Variants in NKAIN3 observed in about 807,000 individuals in gnomAD.
The protein encoded by NKAIN3 is sodium/potassium transporting ATPase interacting 3.
In NKAIN3, 25 loss-of-function variants were observed where a neutral mutation model predicts 30.2. The observed-to-expected ratio is 0.83, with a 90% CI of 0.60 to 1.16. The LOEUF (loss-of-function observed/expected upper bound fraction) is 1.16, where lower values mean the gene tolerates loss of function less well. Among genes scored for constraint, NKAIN3 ranks in the 50% most tolerant of loss-of-function variants. The pLI is 0.00. For missense variants in NKAIN3, 225 were observed against 254.1 expected (o/e 0.89, Z 0.78); for synonymous variants, 91 against 89.6 (o/e 1.02, Z -0.09).
At chr8:62,877,665 AAC>A (rs1488972633) in intron 4 of NKAIN3, among the ~76,000 whole-genome samples, 3 of 152,290 alleles carry the variant, frequency 2.0e-5, no homozygotes, top group African/African-American at 4.8e-5. Flanking sequence ...TTATTTTCAC[AAC>A]ACAGTTTCCT....
chr8:62,892,781 TAGA>T (rs1288295875), intron 4 of NKAIN3, among the ~76,000 whole-genome samples: 1 of 152,158 alleles, frequency 6.6e-6, no homozygotes, highest in Non-Finnish European at 1.5e-5. Context: ...CACAAACAAA[TAGA>T]AGAAGGTGAT....
intron 4 of NKAIN3, among the ~76,000 whole-genome samples, chr8:62,909,628 A>T (rs1180026293): frequency 1.3e-5 from 2 of 152,198 alleles, no homozygotes; most frequent in African/African-American, 4.8e-5. Context: ...ATTGATGATC[A>T]ACATGATGTC....
intron 1 of NKAIN3, among the ~76,000 whole-genome samples, chr8:62,341,298 T>G (rs1815737522): frequency 6.6e-6 from 1 of 152,028 alleles, no homozygotes; most frequent in Non-Finnish European, 1.5e-5. Context: ...GATGTTAATT[T>G]TATAAAAAAT....
At chr8:62,596,945 G>C (rs967855254) in intron 3 of NKAIN3, among the ~76,000 whole-genome samples, 1 of 152,046 alleles carries the variant, frequency 6.6e-6, no homozygotes, top group African/African-American at 2.4e-5. Context: ...TTAAGTAAAT[G>C]GTTGTCTGAC....
intron 3 of NKAIN3, among the ~76,000 whole-genome samples, chr8:62,717,085 C>T (rs1016478303): frequency 6.6e-6 from 1 of 152,096 alleles, no homozygotes; most frequent in Non-Finnish European, 1.5e-5. Context: ...AAAGGGCTTT[C>T]GATCAAGAAG....
intron 1 of NKAIN3, among the ~76,000 whole-genome samples, chr8:62,524,166 C>T (rs141771626): frequency 0.014 from 2,080 of 151,470 alleles, 49 homozygotes; most frequent in African/African-American, 0.047. Flanking sequence ...GTATGAAAAA[C>T]AAGGAAAGAT....
At chr8:62,881,276 C>T (rs1261634100) in intron 4 of NKAIN3, among the ~76,000 whole-genome samples, 3 of 152,176 alleles carry the variant, frequency 2.0e-5, no homozygotes, top group Non-Finnish European at 4.4e-5. Context: ...AATCCCCTGT[C>T]TTCCACCTAT....
intron 1 of NKAIN3, among the ~76,000 whole-genome samples, chr8:62,512,210 G>T (rs1266356630): frequency 2.6e-5 from 4 of 152,148 alleles, no homozygotes. Context: ...ATAAATGATT[G>T]ATTTAAGAAG....
At chr8:62,884,962 A>G (rs970480795) in intron 4 of NKAIN3, among the ~76,000 whole-genome samples, 1 of 150,674 alleles carries the variant, frequency 6.6e-6, no homozygotes, top group South Asian at 2.1e-4. Context: ...GATTTTCTCT[A>G]CTGATTTTTT....
At chr8:62,655,874 A>C (rs1812748698) in intron 3 of NKAIN3, among the ~76,000 whole-genome samples, 1 of 152,150 alleles carries the variant, frequency 6.6e-6, no homozygotes, top group South Asian at 2.1e-4. Context: ...GCATAAAATT[A>C]TGGTGGATCA....
chr8:62,918,368 A>G (rs931557877), intron 4 of NKAIN3, 85 bp from the exon 5 acceptor site: 5 of 949,648 alleles, frequency 5.3e-6, no homozygotes, highest in Non-Finnish European at 8.2e-6. Flanking sequence ...GCTCATAAAT[A>G]TTTATCTTTA....
At chr8:62,949,246 A>G (rs898823747) in intron 5 of NKAIN3, among the ~76,000 whole-genome samples, 1 of 152,314 alleles carries the variant, frequency 6.6e-6, no homozygotes, top group South Asian at 2.1e-4. Flanking sequence ...CATAAAGTCA[A>G]TCAGGTTTGC....
At chr8:62,556,131 G>C (rs1809379451) in intron 1 of NKAIN3, among the ~76,000 whole-genome samples, 1 of 151,854 alleles carries the variant, frequency 6.6e-6, no homozygotes, top group African/African-American at 2.4e-5. Flanking sequence ...ATATATATTG[G>C]TAAACCAGAC....
rs1013006063 is a variant in NKAIN3 at position 62,312,864 on chromosome 8, C to T, written c.54+63737C>T. On this transcript the variant is annotated intron_variant, in intron 1 of 6. Coordinates refer to ENST00000623646, the MANE Select transcript of NKAIN3 (RefSeq NM_001304533.3). ...CTGTGATGGAGATGTGGGAGATATT[C>T]TGAGTTTACAATTGCAAGGCTTATG... Among the ~76,000 whole-genome samples, 30 of 150,878 alleles carry T rather than the reference C, an allele frequency of 2.0e-4. 2 individuals are homozygous for T. The highest frequency in any genetic ancestry group is 7.1e-4 in the African/African-American group (29 of 41,102).
At chr8:62,618,529 T>A (rs1811528825) in intron 3 of NKAIN3, among the ~76,000 whole-genome samples, 1 of 151,742 alleles carries the variant, frequency 6.6e-6, no homozygotes, top group African/African-American at 2.4e-5. Flanking sequence ...TTAGTTGTGG[T>A]GGCTTTTTTT....
chr8:62,387,127 T>C (rs16928852), intron 1 of NKAIN3, among the ~76,000 whole-genome samples: 20,817 of 152,060 alleles, frequency 0.14, 1,720 homozygotes, highest in East Asian at 0.4. Context: ...ATGAGTGTCA[T>C]ACAACAGGAA....
chr8:62,773,582 G>C (rs139948282), intron 4 of NKAIN3, among the ~76,000 whole-genome samples: 166 of 152,244 alleles, frequency 1.1e-3, no homozygotes, highest in African/African-American at 3.7e-3. Context: ...AGTGCAGTGG[G>C]AGGGACCTGG....
At chr8:62,308,716 C>T (rs1814333805) in intron 1 of NKAIN3, among the ~76,000 whole-genome samples, 1 of 150,290 alleles carries the variant, frequency 6.7e-6, no homozygotes, top group African/African-American at 2.5e-5. Context: ...ATTCAAAGAG[C>T]TTGAATCCAG....
At chr8:62,490,702 A>G (rs1278630867) in intron 1 of NKAIN3, among the ~76,000 whole-genome samples, 1 of 152,192 alleles carries the variant, frequency 6.6e-6, no homozygotes, top group Non-Finnish European at 1.5e-5. Context: ...TGGGTACCAA[A>G]TGATGGCCCA....
Sources: gnomAD v4.1 joint callset for allele counts (sites outside exome capture counted in the v4.1 genomes callset) on GRCh38, gnomAD v4.1.1 for gene constraint, MANE v1.5 for transcripts, NCBI Gene and HGNC (gene_info 2026-07-23, HGNC 2026-07-21) for gene names.